Variants in AGMO observed in about 807,000 individuals in gnomAD.
The protein encoded by AGMO is alkylglycerol monooxygenase.
Under a neutral mutation model 60.2 loss-of-function variants are expected in AGMO, and 75 were observed. That is an observed-to-expected ratio of 1.25 (90% CI 1.03 to 1.51). AGMO has a LOEUF of 1.51. AGMO is among the 40% of genes most tolerant of loss of function. The pLI is 0.00. For missense variants in AGMO, 763 were observed against 525.5 expected (o/e 1.45, Z -4.42); for synonymous variants, 261 against 177.1 (o/e 1.47, Z -3.76).
At chr7:15,333,232 G>A (rs554805841) in intron 12 of AGMO, among the ~76,000 whole-genome samples, 7 of 152,176 alleles carry the variant, frequency 4.6e-5, no homozygotes, top group Non-Finnish European at 1.0e-4. Flanking sequence ...AAAGTTAAAT[G>A]CAAAATACAC....
At chr7:15,205,489 T>C (rs566280097) in intron 12 of AGMO, among the ~76,000 whole-genome samples, 11 of 152,286 alleles carry the variant, frequency 7.2e-5, no homozygotes, top group African/African-American at 2.6e-4. Context: ...TCTTATTTAA[T>C]TTTATATGGA....
At chr7:15,253,715 C>G (rs1394256417) in intron 12 of AGMO, among the ~76,000 whole-genome samples, 1 of 152,040 alleles carries the variant, frequency 6.6e-6, no homozygotes, top group East Asian at 1.9e-4. Context: ...TGAAAATTCT[C>G]TCTTCTAGCT....
chr7:15,465,647 T>C (rs1330110330), intron 3 of AGMO, among the ~76,000 whole-genome samples: 2 of 150,118 alleles, frequency 1.3e-5, no homozygotes, highest in Non-Finnish European at 3.0e-5. Context: ...GGTTTCCCTA[T>C]ATTGCCCAGG....
At chr7:15,560,105 GT>G (rs1785262496) in intron 2 of AGMO, 35 bp downstream of exon 2, 2 of 1,538,108 alleles carry the variant, frequency 1.3e-6, no homozygotes, top group Non-Finnish European at 1.8e-6. Context: ...GGCAATTTCA[GT>G]TTTTATGCTC....
intron 12 of AGMO, among the ~76,000 whole-genome samples, chr7:15,253,709 A>G (rs1053462304): frequency 6.6e-6 from 1 of 152,096 alleles, no homozygotes; most frequent in Non-Finnish European, 1.5e-5. Context: ...CAATACTGAA[A>G]ATTCTCTCTT....
intron 5 of AGMO, among the ~76,000 whole-genome samples, chr7:15,399,999 T>C (rs1462850364): frequency 6.6e-6 from 1 of 152,168 alleles, no homozygotes; most frequent in African/African-American, 2.4e-5. Flanking sequence ...TGAGTTTTGT[T>C]TTCCTTTCTC....
At chr7:15,354,138 A>C (rs866988140) in intron 12 of AGMO, among the ~76,000 whole-genome samples, 2 of 151,738 alleles carry the variant, frequency 1.3e-5, no homozygotes, top group Non-Finnish European at 1.5e-5. Flanking sequence ...GAAGAGGACA[A>C]TGTTTTTTTA....
At chr7:15,480,422 G>T (rs1782719458) in intron 3 of AGMO, among the ~76,000 whole-genome samples, 1 of 152,042 alleles carries the variant, frequency 6.6e-6, no homozygotes, top group South Asian at 2.1e-4. Flanking sequence ...TAGTTGATGG[G>T]GTAAAGAAAA....
chr7:15,351,929 T>C (rs922943684), intron 12 of AGMO, among the ~76,000 whole-genome samples: 6 of 152,214 alleles, frequency 3.9e-5, no homozygotes, highest in African/African-American at 1.2e-4. Flanking sequence ...CAGTAACATA[T>C]GAATTCGGTA....
intron 3 of AGMO, among the ~76,000 whole-genome samples, chr7:15,470,523 T>C (rs1782425207): frequency 6.6e-6 from 1 of 151,988 alleles, no homozygotes; most frequent in Non-Finnish European, 1.5e-5. Flanking sequence ...AAATTGACTT[T>C]TTACAGATTA....
chr7:15,548,320 G>T (rs2115290792), intron 2 of AGMO, among the ~76,000 whole-genome samples: 1 of 152,186 alleles, frequency 6.6e-6, no homozygotes, highest in Non-Finnish European at 1.5e-5. Context: ...GATGGAGAAT[G>T]ACTTTGACGA....
chr7:15,199,580 T>A (rs1781220279), downstream of AGMO, among the ~76,000 whole-genome samples: 1 of 152,176 alleles, frequency 6.6e-6, no homozygotes, highest in African/African-American at 2.4e-5. Flanking sequence ...CTGAAGAATG[T>A]GTTTTACCCA....
intron 12 of AGMO, among the ~76,000 whole-genome samples, chr7:15,360,963 G>A (rs1782727351): frequency 1.3e-5 from 2 of 152,116 alleles, no homozygotes; most frequent in South Asian, 2.1e-4. Context: ...GAAATAAGCA[G>A]GCAAAATAAT....
intron 4 of AGMO, among the ~76,000 whole-genome samples, chr7:15,418,982 T>G (rs1014864760): frequency 6.6e-6 from 1 of 151,954 alleles, no homozygotes; most frequent in African/African-American, 2.4e-5. Context: ...ACAAATACTC[T>G]CTTTATGTTA....
At chr7:15,199,155 T>C (rs1781208663), downstream of AGMO, among the ~76,000 whole-genome samples, 1 of 152,172 alleles carries the variant, frequency 6.6e-6, no homozygotes. Flanking sequence ...TTTCTCATTG[T>C]CTTAATTTTT....
chr7:15,289,149 C>T (rs1170278241), intron 12 of AGMO, among the ~76,000 whole-genome samples: 1 of 151,918 alleles, frequency 6.6e-6, no homozygotes, highest in Non-Finnish European at 1.5e-5. Flanking sequence ...CGGCCCCATA[C>T]ATAAAGCAAT....
chr7:15,322,676 ATG>A lies in AGMO; in HGVS notation c.1263+42836_1263+42837del, dbSNP rs10657845. Among the ~76,000 whole-genome samples the A allele has an allele frequency of 3.9e-3, 284 of 72,076 alleles. 60 individuals are homozygous for A. The highest frequency in any genetic ancestry group is 0.012 in the African/African-American group (151 of 12,450). The allele number at this position is 72,076 out of a possible 152,430, so 47.3% of individuals were successfully genotyped here. On this transcript the variant is annotated intron_variant, in intron 12 of 12. Transcript: ENST00000342526. Reference sequence around the variant, plus strand: ...TATATATATAAATATATATAAATATATGTATATATAAATATATGAATATGTAT... The same window carrying A: ...TATATATATAAATATATATAAATATATATATATAAATATATGAATATGTAT...
intron 5 of AGMO, among the ~76,000 whole-genome samples, chr7:15,416,726 G>A (rs994471368): frequency 6.6e-6 from 1 of 152,116 alleles, no homozygotes; most frequent in Non-Finnish European, 1.5e-5. Flanking sequence ...TATGCAAGTG[G>A]CCTATAGGGT....
At chr7:15,237,320 A>G (rs4428566) in intron 12 of AGMO, among the ~76,000 whole-genome samples, 15,191 of 152,174 alleles carry the variant, frequency 0.1, 911 homozygotes, top group South Asian at 0.2. Flanking sequence ...ACTAGAACAG[A>G]TGAAAGTAGC....
Sources: gnomAD v4.1 joint callset for allele counts (sites outside exome capture counted in the v4.1 genomes callset) on GRCh38, gnomAD v4.1.1 for gene constraint, MANE v1.5 for transcripts, NCBI Gene and HGNC (gene_info 2026-07-23, HGNC 2026-07-21) for gene names.